The following TBC1D22A variants were observed in gnomAD, a reference collection of about 807,000 sequenced individuals.
TBC1D22A encodes TBC1 domain family member 22A.
Under a neutral mutation model 60.2 loss-of-function variants are expected in TBC1D22A, and 38 were observed. That is an observed-to-expected ratio of 0.63 (90% CI 0.49 to 0.83). TBC1D22A has a LOEUF of 0.83. Among genes scored for constraint, TBC1D22A ranks in the 40% least tolerant of loss-of-function variants. TBC1D22A has a pLI of 0.00. For synonymous variants in TBC1D22A, 302 were observed against 281.7 expected (o/e 1.07, Z -0.72); for missense variants, 628 against 701.0 (o/e 0.90, Z 1.18).
chr22:46,788,538 A>G (rs897458554), intron 1 of TBC1D22A, among the ~76,000 whole-genome samples: 1 of 152,096 alleles, frequency 6.6e-6, no homozygotes, highest in Non-Finnish European at 1.5e-5. Context: ...TGTGTGTTTC[A>G]TTCCTTTGGT....
intron 11 of TBC1D22A, among the ~76,000 whole-genome samples, chr22:47,065,341 T>A (rs2063716122): frequency 6.6e-6 from 1 of 152,204 alleles, no homozygotes; most frequent in Non-Finnish European, 1.5e-5. Context: ...ATTAAGGTTA[T>A]TTTTTAGTTC....
intron 12 of TBC1D22A, among the ~76,000 whole-genome samples, chr22:47,136,737 G>T (rs529752964): frequency 1.6e-4 from 24 of 152,346 alleles, no homozygotes; most frequent in Admixed American, 9.1e-4. Flanking sequence ...GACCAGGACT[G>T]CTGAGGTGAG....
intron 11 of TBC1D22A, among the ~76,000 whole-genome samples, chr22:47,076,361 G>A (rs532103111): frequency 0.087 from 8,855 of 101,916 alleles, 418 homozygotes; most frequent in Admixed American, 0.18. Context: ...ATATGTGTGT[G>A]TATATATATA....
At chr22:47,075,860 C>T (rs989752500) in intron 11 of TBC1D22A, among the ~76,000 whole-genome samples, 1 of 151,718 alleles carries the variant, frequency 6.6e-6, no homozygotes, top group Non-Finnish European at 1.5e-5. Flanking sequence ...GAAAGAAATA[C>T]AATAGGAAAA....
intron 5 of TBC1D22A, among the ~76,000 whole-genome samples, chr22:46,889,276 C>T (rs985478598): frequency 6.6e-6 from 1 of 152,010 alleles, no homozygotes; most frequent in African/African-American, 2.4e-5. Flanking sequence ...ATGCGATGGC[C>T]CCACGAAGAG....
At chr22:47,112,412 G>A (rs1233902893) in intron 12 of TBC1D22A, among the ~76,000 whole-genome samples, 4 of 152,210 alleles carry the variant, frequency 2.6e-5, no homozygotes, top group African/African-American at 7.2e-5. Context: ...CTCCCTTCTC[G>A]AGGCTCTCGT....
chr22:47,046,541 C>T lies in TBC1D22A; in HGVS notation c.1329+9343C>T, dbSNP rs145397446. On this transcript the variant is annotated intron_variant, in intron 11 of 12. Transcript: ENST00000337137. ...ACCTGGCCCTGTGAAGGTGTGGCCACGGGAGAGAAGCCAGGGACACAGTGC... is the reference window on the plus strand; with the variant it reads ...ACCTGGCCCTGTGAAGGTGTGGCCATGGGAGAGAAGCCAGGGACACAGTGC... Among the ~76,000 whole-genome samples the T allele has an allele frequency of 7.4e-3, 1,127 of 152,224 alleles. 45 individuals carry two copies. The highest frequency in any genetic ancestry group is 0.067 in the Admixed American group (1,032 of 15,292).
chr22:46,981,948 G>A (rs549074715), intron 9 of TBC1D22A, among the ~76,000 whole-genome samples: 4 of 152,290 alleles, frequency 2.6e-5, no homozygotes, highest in African/African-American at 9.6e-5. Flanking sequence ...TGTAAGAATG[G>A]CAATACCAGC....
intron 10 of TBC1D22A, among the ~76,000 whole-genome samples, chr22:47,027,807 A>C (rs2062310070): frequency 6.6e-6 from 1 of 152,192 alleles, no homozygotes; most frequent in South Asian, 2.1e-4. Flanking sequence ...AAGACAAGCT[A>C]AAGACTGGGC....
chr22:47,048,773 G>A (rs1162906811), intron 11 of TBC1D22A, among the ~76,000 whole-genome samples: 1 of 152,170 alleles, frequency 6.6e-6, no homozygotes, highest in African/African-American at 2.4e-5. Flanking sequence ...GCTCTGGGGG[G>A]AGGTGGGGCA....
chr22:46,986,460 C>A (rs1016515928), intron 9 of TBC1D22A, among the ~76,000 whole-genome samples: 1 of 149,812 alleles, frequency 6.7e-6, no homozygotes, highest in Non-Finnish European at 1.5e-5. Context: ...ATGTCAGTTT[C>A]CCTCATACTG....
intron 4 of TBC1D22A, among the ~76,000 whole-genome samples, chr22:46,872,799 C>T (rs142226021): frequency 7.7e-4 from 118 of 152,268 alleles, no homozygotes; most frequent in African/African-American, 2.6e-3. Context: ...AAAGTCCCAT[C>T]AAGTCCTTAG....
At chr22:46,774,887 G>C (rs559314301) in intron 1 of TBC1D22A, among the ~76,000 whole-genome samples, 4 of 152,326 alleles carry the variant, frequency 2.6e-5, no homozygotes, top group African/African-American at 4.8e-5. Context: ...ACCGGAGCCC[G>C]GCCGATGCTG....
At chr22:46,941,579 C>CGCGGAACATATAT (rs2072094991) in intron 8 of TBC1D22A, among the ~76,000 whole-genome samples, 6 of 137,998 alleles carry the variant, frequency 4.3e-5, no homozygotes, top group Non-Finnish European at 7.8e-5. Context: ...AATATATATA[C>CGCGGAACATATAT]AGGGAATATA....
intron 7 of TBC1D22A, among the ~76,000 whole-genome samples, chr22:46,900,697 G>A (rs1406630397): frequency 6.6e-6 from 1 of 152,202 alleles, no homozygotes; most frequent in African/African-American, 2.4e-5. Context: ...TTTGAGGTTT[G>A]TGCATGCTGT....
intron 10 of TBC1D22A, among the ~76,000 whole-genome samples, chr22:47,029,658 G>C (rs1364355774): frequency 1.3e-5 from 2 of 152,266 alleles, no homozygotes; most frequent in Non-Finnish European, 2.9e-5. Flanking sequence ...CTGGGGCGGG[G>C]ATGGCAGGAG....
At chr22:47,144,045 C>A (rs895571003) in intron 12 of TBC1D22A, among the ~76,000 whole-genome samples, 3 of 152,238 alleles carry the variant, frequency 2.0e-5, no homozygotes, top group Non-Finnish European at 2.9e-5. Context: ...CTCTGCACCC[C>A]TGGTTCAGCC....
At chr22:46,880,170 C>G (rs1007992985) in intron 5 of TBC1D22A, among the ~76,000 whole-genome samples, 1 of 152,172 alleles carries the variant, frequency 6.6e-6, no homozygotes, top group Non-Finnish European at 1.5e-5. Context: ...CCAAGGTGGT[C>G]GGGGCACAGC....
intron 10 of TBC1D22A, among the ~76,000 whole-genome samples, chr22:47,005,747 C>T (rs558529295): frequency 6.7e-4 from 101 of 151,350 alleles, no homozygotes; most frequent in African/African-American, 2.4e-3. Flanking sequence ...TGTACACTCC[C>T]GTATACACAC....
Sources: gnomAD v4.1 joint callset for allele counts (sites outside exome capture counted in the v4.1 genomes callset) on GRCh38, gnomAD v4.1.1 for gene constraint, MANE v1.5 for transcripts, NCBI Gene and HGNC (gene_info 2026-07-23, HGNC 2026-07-21) for gene names.